The following KCNJ6 variants were observed in gnomAD, a reference collection of about 807,000 sequenced individuals.
KCNJ6 encodes G protein-activated inward rectifier potassium channel 2.
In KCNJ6, 9 loss-of-function variants were observed where a neutral mutation model predicts 34.2. The observed-to-expected ratio is 0.26, with a 90% CI of 0.16 to 0.46. KCNJ6 has a LOEUF of 0.46. Ranked by LOEUF, KCNJ6 falls within the 20% of genes least tolerant of loss-of-function variation. KCNJ6 has a pLI of 1.00. For synonymous variants in KCNJ6, 196 were observed against 207.1 expected, an observed-to-expected ratio of 0.95 and a Z score of 0.46; for missense variants, 236 against 531.3, an observed-to-expected ratio of 0.44 and a Z score of 5.46.
intron 2 of KCNJ6, among the ~76,000 whole-genome samples, chr21:37,752,057 A>C (rs998454138): frequency 6.6e-6 from 1 of 152,214 alleles, no homozygotes; most frequent in African/African-American, 2.4e-5. Flanking sequence ...TACTGTGCAG[A>C]TTTGAGTCAG....
At chr21:37,795,745 A>AC (rs1010229204) in intron 2 of KCNJ6, among the ~76,000 whole-genome samples, 10 of 150,628 alleles carry the variant, frequency 6.6e-5, no homozygotes, top group African/African-American at 2.2e-4. Flanking sequence ...AAAAAAAAAA[A>AC]AACAAAAAAA....
At chr21:37,897,235 G>T (rs1193431588) in intron 1 of KCNJ6, among the ~76,000 whole-genome samples, 1 of 152,174 alleles carries the variant, frequency 6.6e-6, no homozygotes, top group East Asian at 1.9e-4. Flanking sequence ...ACCCCCATTG[G>T]TGCGTGGACT....
chr21:37,915,081 C>A (rs1357128657), intron 1 of KCNJ6, among the ~76,000 whole-genome samples: 1 of 152,142 alleles, frequency 6.6e-6, no homozygotes, highest in Non-Finnish European at 1.5e-5. Context: ...ACAGATGTAC[C>A]TGTGGATCCA....
chr21:37,744,771 G>T (rs9979605), intron 2 of KCNJ6, among the ~76,000 whole-genome samples: 16,759 of 152,252 alleles, frequency 0.11, 1,257 homozygotes, highest in Non-Finnish European at 0.17. Context: ...GGCAACAGTG[G>T]GGGGTGTGTA....
chr21:37,699,635 C>T (rs2054680528), intron 3 of KCNJ6, among the ~76,000 whole-genome samples: 1 of 152,162 alleles, frequency 6.6e-6, no homozygotes, highest in African/African-American at 2.4e-5. Context: ...GGAGTCCAAT[C>T]TCCTGGCCTT....
At chr21:37,644,669 C>A (rs193295820) in intron 3 of KCNJ6, among the ~76,000 whole-genome samples, 1 of 152,210 alleles carries the variant, frequency 6.6e-6, no homozygotes, top group South Asian at 2.1e-4. Flanking sequence ...CCTGGCCTAG[C>A]TATAGTTCAC....
chr21:37,907,327 G>T (rs2055846542), intron 1 of KCNJ6, among the ~76,000 whole-genome samples: 1 of 152,072 alleles, frequency 6.6e-6, no homozygotes, highest in African/African-American at 2.4e-5. Context: ...TATCATTTTT[G>T]GTTAAATGTG....
intron 2 of KCNJ6, among the ~76,000 whole-genome samples, chr21:37,795,146 C>T (rs1333315491): frequency 6.6e-6 from 1 of 152,178 alleles, no homozygotes; most frequent in Non-Finnish European, 1.5e-5. Flanking sequence ...TAAAATTATA[C>T]TTAGCCTAAA....
intron 2 of KCNJ6, among the ~76,000 whole-genome samples, chr21:37,822,330 A>T (rs2055376917): frequency 6.6e-6 from 1 of 152,104 alleles, no homozygotes; most frequent in East Asian, 1.9e-4. Flanking sequence ...ATAGGCACCC[A>T]TTCCTCGTGG....
chr21:37,722,049 T>TAAAG (rs1201188820), intron 2 of KCNJ6, among the ~76,000 whole-genome samples: 1 of 152,172 alleles, frequency 6.6e-6, no homozygotes, highest in Non-Finnish European at 1.5e-5. Context: ...TAAAAAATAC[T>TAAAG]AAAGACTCTG....
Position 37,708,189 on chromosome 21 carries a change from T to C in KCNJ6, c.946+6022A>G, listed in dbSNP as rs541129388. Among the ~76,000 whole-genome samples the C allele has an allele frequency of 3.3e-5, 5 of 152,354 alleles. No homozygotes were observed. The South Asian group carries it at 1.0e-3, about 32-fold the overall frequency. On this transcript the variant is annotated intron_variant, in intron 3 of 3. Transcript: ENST00000609713. ...AGTAATATATGGTGACCTTGACTCC[T>C]TGTCTTCTAAAGTATGGGAAATGTT...
rs140787093 is a variant in KCNJ6 at position 37,668,588 on chromosome 21, T to C, written c.947-43104A>G. On this transcript the variant is annotated intron_variant, in intron 3 of 3. Transcript: ENST00000609713. ...GGTATGGGGGGTTAGGACTTCAACA[T>C]AGGCAGATTGGGAGATACACCTCGG... Among the ~76,000 whole-genome samples, 18 of 152,242 alleles carry C rather than the reference T, an allele frequency of 1.2e-4. No individual in the cohort carries two copies. The East Asian group carries it at 2.3e-3, about 20-fold the overall frequency.
rs531024035 is a variant in KCNJ6 at position 37,660,592 on chromosome 21, G to A, written c.947-35108C>T. On this transcript the variant is annotated intron_variant, in intron 3 of 3. Coordinates refer to ENST00000609713, the MANE Select transcript of KCNJ6 (RefSeq NM_002240.5). ...AAGGACCAAACAAAGACTTGTAGAC[G>A]ATGGTAGCTCATGTCACCCAGGCAG... Among the ~76,000 whole-genome samples, 30 of 152,306 alleles carry A rather than the reference G, an allele frequency of 2.0e-4. No individual in the cohort carries two copies. The South Asian group carries it at 4.6e-3, about 23-fold the overall frequency.
intron 2 of KCNJ6, among the ~76,000 whole-genome samples, chr21:37,834,030 C>G (rs1291048887): frequency 6.6e-6 from 1 of 152,216 alleles, no homozygotes; most frequent in Non-Finnish European, 1.5e-5. Context: ...GTCACCACCT[C>G]TTAAATTCAT....
intron 2 of KCNJ6, among the ~76,000 whole-genome samples, chr21:37,734,980 C>T (rs940430498): frequency 6.6e-6 from 1 of 152,122 alleles, no homozygotes; most frequent in African/African-American, 2.4e-5. Context: ...GGGCACACCC[C>T]CACTATGCCT....
At chr21:37,644,177 G>C (rs2054393408) in intron 3 of KCNJ6, among the ~76,000 whole-genome samples, 1 of 152,144 alleles carries the variant, frequency 6.6e-6, no homozygotes, top group African/African-American at 2.4e-5. Context: ...TAAATTATGA[G>C]AACTCATGAA....
chr21:37,649,899 G>A (rs937013001), intron 3 of KCNJ6, among the ~76,000 whole-genome samples: 42 of 147,698 alleles, frequency 2.8e-4, no homozygotes, highest in African/African-American at 9.8e-4. Flanking sequence ...GACTACAGAC[G>A]CCCGCCACCA....
chr21:37,658,601 G>A (rs886649963), intron 3 of KCNJ6, among the ~76,000 whole-genome samples: 11 of 152,174 alleles, frequency 7.2e-5, no homozygotes, highest in Admixed American at 2.0e-4. Flanking sequence ...GATGAAAAGA[G>A]AAAATATACC....
At chr21:37,825,709 GA>G (rs1217410583) in intron 2 of KCNJ6, among the ~76,000 whole-genome samples, 1 of 152,104 alleles carries the variant, frequency 6.6e-6, no homozygotes, top group Non-Finnish European at 1.5e-5. Flanking sequence ...AATTTATATA[GA>G]AAAAGAGGTT....
Sources: gnomAD v4.1 joint callset for allele counts (sites outside exome capture counted in the v4.1 genomes callset) on GRCh38, gnomAD v4.1.1 for gene constraint, MANE v1.5 for transcripts, NCBI Gene and HGNC (gene_info 2026-07-23, HGNC 2026-07-21) for gene names.